Variants in SYT14 observed in about 807,000 individuals in gnomAD.
SYT14 encodes the protein synaptotagmin 14, also known as synaptotagmin-14.
Under a neutral mutation model 74.2 loss-of-function variants are expected in SYT14, and 32 were observed. The observed-to-expected ratio is 0.43, with a 90% CI of 0.33 to 0.58. SYT14 has a LOEUF of 0.58. SYT14 is among the 20% of genes least tolerant of loss of function. The pLI is 0.05. For missense variants in SYT14, 791 were observed against 981.8 expected (o/e 0.81, Z 2.60); for synonymous variants, 298 against 337.7 (o/e 0.88, Z 1.29).
chr1:209,978,491 G>A (rs2102786555), intron 2 of SYT14, among the ~76,000 whole-genome samples: 1 of 152,300 alleles, frequency 6.6e-6, no homozygotes, highest in African/African-American at 2.4e-5. Context: ...GTTTGCCTGG[G>A]TATCAGCAGC....
At chr1:210,007,087 A>C (rs1279130677) in intron 2 of SYT14, among the ~76,000 whole-genome samples, 1 of 151,860 alleles carries the variant, frequency 6.6e-6, no homozygotes, top group Non-Finnish European at 1.5e-5. Flanking sequence ...TAGAAATTAA[A>C]ATGAATTTTA....
chr1:210,111,591 C>T (rs1032248830), intron 7 of SYT14, among the ~76,000 whole-genome samples: 14 of 150,986 alleles, frequency 9.3e-5, no homozygotes, highest in Admixed American at 1.3e-4. Context: ...GCATGGGAAC[C>T]TAGAGTAGGA....
chr1:209,997,259 C>CAATTTT lies in SYT14; in HGVS notation c.-485-16372_-485-16367dup, dbSNP rs1249716558. Reference sequence around the variant, plus strand: ...CCAAAAGGCTGCAAGAACTGATGAACAATTTTAGCAAGGTTTCAGGATATG... The same window carrying CAATTTT: ...CCAAAAGGCTGCAAGAACTGATGAACAATTTTAATTTTAGCAAGGTTTCAGGATATG... On this transcript the variant is annotated intron_variant, in intron 2 of 9. Coordinates refer to ENST00000637265, the Ensembl canonical transcript of SYT14. Among the ~76,000 whole-genome samples the CAATTTT allele has an allele frequency of 2.0e-5, 3 of 151,992 alleles. No individual in the cohort carries two copies. In the East Asian group the frequency reaches 5.8e-4, roughly 29 times the overall value.
chr1:210,102,544 G>C (rs1266458696), intron 7 of SYT14, among the ~76,000 whole-genome samples: 1 of 152,066 alleles, frequency 6.6e-6, no homozygotes, highest in Non-Finnish European at 1.5e-5. Flanking sequence ...CCCTGCTTAA[G>C]TTTTAATATT....
chr1:210,019,936 C>T (rs191251034), intron 4 of SYT14, among the ~76,000 whole-genome samples: 173 of 152,130 alleles, frequency 1.1e-3, no homozygotes, highest in Non-Finnish European at 2.1e-3. Flanking sequence ...AAATTTAGAC[C>T]TCCTGAAAGT....
chr1:210,001,256 T>C (rs1320208631), intron 2 of SYT14, among the ~76,000 whole-genome samples: 1 of 152,172 alleles, frequency 6.6e-6, no homozygotes, highest in East Asian at 1.9e-4. Context: ...TTTGCTAATT[T>C]TTTTTTAATT....
intron 7 of SYT14, among the ~76,000 whole-genome samples, chr1:210,103,288 C>T (rs1453357938): frequency 6.6e-6 from 1 of 152,084 alleles, no homozygotes; most frequent in Admixed American, 6.5e-5. Flanking sequence ...CAGTGGCTCA[C>T]ACCTGTATTC....
intron 7 of SYT14, among the ~76,000 whole-genome samples, chr1:210,135,617 T>TC (rs1572360505): frequency 6.6e-6 from 1 of 152,268 alleles, no homozygotes; most frequent in East Asian, 1.9e-4. Flanking sequence ...ATGGGTTTTA[T>TC]TTTCCTTCTT....
At chr1:210,126,395 G>A (rs1331456638) in intron 7 of SYT14, among the ~76,000 whole-genome samples, 2 of 150,510 alleles carry the variant, frequency 1.3e-5, no homozygotes, top group Non-Finnish European at 2.9e-5. Flanking sequence ...AAAGTCACAT[G>A]CTTAAGAAGA....
At chr1:210,124,152 T>C (rs1191821859) in intron 7 of SYT14, among the ~76,000 whole-genome samples, 4 of 151,970 alleles carry the variant, frequency 2.6e-5, no homozygotes, top group Non-Finnish European at 1.5e-5. Context: ...TGAGTAGTTA[T>C]GACAGAGATC....
At chr1:210,036,104 T>C (rs1370632858) in intron 5 of SYT14, among the ~76,000 whole-genome samples, 2 of 152,088 alleles carry the variant, frequency 1.3e-5, no homozygotes, top group Non-Finnish European at 2.9e-5. Flanking sequence ...GTAGTTTTCC[T>C]TGTAGAGATC....
chr1:210,090,611 A>T (rs2081847354), intron 5 of SYT14, among the ~76,000 whole-genome samples: 1 of 152,202 alleles, frequency 6.6e-6, no homozygotes, highest in Admixed American at 6.5e-5. Context: ...TATCATTTAT[A>T]TAAAAATCGG....
intron 5 of SYT14, among the ~76,000 whole-genome samples, chr1:210,053,303 T>C (rs1457257678): frequency 6.6e-6 from 1 of 152,224 alleles, no homozygotes; most frequent in Non-Finnish European, 1.5e-5. Context: ...AACGTCTTTC[T>C]GCCAAGTTGA....
chr1:210,002,874 CATATA>C (rs1343837984), intron 2 of SYT14, among the ~76,000 whole-genome samples: 1 of 151,890 alleles, frequency 6.6e-6, no homozygotes, highest in Non-Finnish European at 1.5e-5. Context: ...TACATTATTC[CATATA>C]ATATATTATT....
intron 2 of SYT14, among the ~76,000 whole-genome samples, chr1:209,955,021 T>C (rs1409810628): frequency 2.0e-5 from 3 of 152,160 alleles, no homozygotes; most frequent in African/African-American, 7.2e-5. Context: ...TCACAACTTC[T>C]TTTTACCTCT....
At chr1:209,985,800 G>A (rs1173072998) in intron 2 of SYT14, among the ~76,000 whole-genome samples, 8 of 152,212 alleles carry the variant, frequency 5.3e-5, no homozygotes, top group Non-Finnish European at 7.3e-5. Flanking sequence ...AGTGCCTACA[G>A]GCTTAACACT....
intron 8 of SYT14, among the ~76,000 whole-genome samples, chr1:210,157,697 GC>G: frequency 6.6e-6 from 1 of 152,042 alleles, no homozygotes; most frequent in African/African-American, 2.4e-5. Context: ...AGCTGAGATT[GC>G]GCCACTGCAC....
intron 5 of SYT14, among the ~76,000 whole-genome samples, chr1:210,082,978 C>CTTT (rs898221466): frequency 6.9e-6 from 1 of 144,872 alleles, no homozygotes; most frequent in African/African-American, 2.5e-5. Flanking sequence ...TGGGTTATTT[C>CTTT]TTTTTTTTTT....
chr1:210,090,253 T>G (rs1296357479), intron 5 of SYT14, among the ~76,000 whole-genome samples: 1 of 152,344 alleles, frequency 6.6e-6, no homozygotes, highest in East Asian at 1.9e-4. Context: ...CTTCGGACTT[T>G]ATTCTCCTGC....
Sources: allele counts gnomAD v4.1 joint callset (sites outside exome capture counted in the v4.1 genomes callset), GRCh38; gene constraint gnomAD v4.1.1; transcripts MANE v1.5; gene names NCBI Gene and HGNC (gene_info 2026-07-23, HGNC 2026-07-21).